The following LHFPL6 variants were observed in gnomAD, a reference collection of about 807,000 sequenced individuals.
The protein encoded by LHFPL6 is LHFPL tetraspan subfamily member 6 protein.
In LHFPL6, 9 loss-of-function variants were observed where a neutral mutation model predicts 20.6. The observed-to-expected ratio is 0.44, with a 90% CI of 0.26 to 0.76. LHFPL6 has a LOEUF of 0.76. Among genes scored for constraint, LHFPL6 ranks in the 30% least tolerant of loss-of-function variants. The pLI is 0.20. For synonymous variants in LHFPL6, 105 were observed against 98.7 expected (o/e 1.06, Z -0.38); for missense variants, 218 against 253.5 (o/e 0.86, Z 0.95).
chr13:39,345,893 T>G (rs1869388292), intron 3 of LHFPL6, among the ~76,000 whole-genome samples: 1 of 152,190 alleles, frequency 6.6e-6, no homozygotes, highest in Non-Finnish European at 1.5e-5. Context: ...ACATGGCTTC[T>G]GTTTGTACGT....
At chr13:39,516,573 G>A (rs948342218) in intron 2 of LHFPL6, among the ~76,000 whole-genome samples, 4 of 152,180 alleles carry the variant, frequency 2.6e-5, no homozygotes, top group African/African-American at 9.7e-5. Flanking sequence ...TTCATAAGGA[G>A]AGCAACAAGG....
chr13:39,378,301 C>G (rs1870345619), intron 3 of LHFPL6, 127 bp downstream of exon 3: 1 of 658,766 alleles, frequency 1.5e-6, no homozygotes, highest in Non-Finnish European at 2.7e-6. Context: ...TATATTGTTA[C>G]ACGTGACTAC....
intron 2 of LHFPL6, among the ~76,000 whole-genome samples, chr13:39,387,486 C>T (rs1486564662): frequency 7.6e-6 from 1 of 132,156 alleles, no homozygotes; most frequent in African/African-American, 2.9e-5. Context: ...GCAGAGGTTG[C>T]AGTGAGCTGA....
intron 2 of LHFPL6, among the ~76,000 whole-genome samples, chr13:39,599,545 C>CGG (rs1872867339): frequency 6.6e-6 from 1 of 152,128 alleles, no homozygotes; most frequent in African/African-American, 2.4e-5. Flanking sequence ...ACACTGCCTC[C>CGG]CGGGAGGGAC....
At chr13:39,372,119 A>G (rs935467285) in intron 3 of LHFPL6, among the ~76,000 whole-genome samples, 5 of 152,012 alleles carry the variant, frequency 3.3e-5, no homozygotes, top group African/African-American at 1.2e-4. Context: ...CTGCCTTGCT[A>G]TAATAAGAGA....
rs1051576681 is a variant in LHFPL6 at position 39,530,035 on chromosome 13, A to G, written c.385+70797T>C. Among the ~76,000 whole-genome samples, 17 of 152,276 alleles carry G rather than the reference A, an allele frequency of 1.1e-4. No homozygotes were observed. In the Middle Eastern group the frequency reaches 0.02, roughly 183 times the overall value. Reference sequence around the variant, plus strand: ...GTGCTTAGTTCAATGCATTGTGCATAGTAGGTACTCAGTAAATAACTGCTG... The same window carrying G: ...GTGCTTAGTTCAATGCATTGTGCATGGTAGGTACTCAGTAAATAACTGCTG... On this transcript the variant is annotated intron_variant, in intron 2 of 3. Coordinates refer to ENST00000379589, the MANE Select transcript of LHFPL6 (RefSeq NM_005780.3).
intron 2 of LHFPL6, among the ~76,000 whole-genome samples, chr13:39,446,022 A>G (rs901057513): frequency 2.0e-5 from 3 of 152,308 alleles, no homozygotes; most frequent in Middle Eastern, 3.4e-3. Flanking sequence ...ATTTTTATTG[A>G]TCTTATTTAT....
intron 2 of LHFPL6, among the ~76,000 whole-genome samples, chr13:39,506,407 G>A (rs1869485640): frequency 6.6e-6 from 1 of 152,144 alleles, no homozygotes; most frequent in African/African-American, 2.4e-5. Context: ...AGAGAAGATA[G>A]TAAACATTTG....
intron 3 of LHFPL6, among the ~76,000 whole-genome samples, chr13:39,358,435 A>C (rs1325114542): frequency 6.6e-6 from 1 of 152,202 alleles, no homozygotes; most frequent in East Asian, 1.9e-4. Flanking sequence ...TCAAACTATA[A>C]AAATTCTAGA....
intron 2 of LHFPL6, among the ~76,000 whole-genome samples, chr13:39,474,295 T>C (rs1873024456): frequency 6.6e-6 from 1 of 152,246 alleles, no homozygotes; most frequent in Non-Finnish European, 1.5e-5. Flanking sequence ...TATGGGTTTG[T>C]TTAACATAAC....
Position 39,601,126 on chromosome 13 carries a change from A to G in LHFPL6, c.91T>C (p.Tyr31His). 6.2e-7 allele frequency: 1 copy of G among 1,614,194 alleles called. No individual in the cohort carries two copies. The highest frequency in any genetic ancestry group is 1.1e-5 in the South Asian group (1 of 91,090). ...CCCAGCTGTGATCCCCAGAGCCAGTAAGGCATAAAGAACCCCACGCAGGAG... is the reference window on the plus strand; with the variant it reads ...CCCAGCTGTGATCCCCAGAGCCAGTGAGGCATAAAGAACCCCACGCAGGAG... The part of the protein sequence containing the change: ...ATSCVGFFMP[Y>H]WLWGSQLGKP... Residue 31 changes from tyrosine (Y) to histidine (H), a missense_variant, in exon 2 of 4, where the codon TAC becomes CAC. Transcript: ENST00000379589.
chr13:39,478,720 C>T (rs985475463), intron 2 of LHFPL6, among the ~76,000 whole-genome samples: 6 of 151,592 alleles, frequency 4.0e-5, no homozygotes, highest in Non-Finnish European at 7.4e-5. Flanking sequence ...AGTAATTCAC[C>T]CCTCTTGCTT....
chr13:39,461,492 C>T (rs993609117), intron 2 of LHFPL6, among the ~76,000 whole-genome samples: 3 of 152,156 alleles, frequency 2.0e-5, no homozygotes, highest in Non-Finnish European at 2.9e-5. Flanking sequence ...TTTACTGCTA[C>T]ATTCACAAGG....
intron 2 of LHFPL6, among the ~76,000 whole-genome samples, chr13:39,426,025 G>A (rs1192263299): frequency 1.3e-5 from 2 of 152,000 alleles, no homozygotes; most frequent in Non-Finnish European, 2.9e-5. Flanking sequence ...CATAAAATTT[G>A]CTATTTTCAC....
chr13:39,384,294 G>A lies in LHFPL6; in HGVS notation c.386-5768C>T, dbSNP rs554561173. Among the ~76,000 whole-genome samples the A allele has an allele frequency of 1.7e-4, 26 of 152,278 alleles. No individual in the cohort carries two copies. The South Asian group carries it at 2.9e-3, about 17-fold the overall frequency. Reference sequence around the variant, plus strand: ...AAGCATGCCTGTGGTATGGTCTCTCGTTAGGAAATGTAACAGGCTAAGTAA... The same window carrying A: ...AAGCATGCCTGTGGTATGGTCTCTCATTAGGAAATGTAACAGGCTAAGTAA... On this transcript the variant is annotated intron_variant, in intron 2 of 3. Transcript: ENST00000379589.
intron 2 of LHFPL6, among the ~76,000 whole-genome samples, chr13:39,462,651 G>T (rs1486750415): frequency 1.3e-5 from 2 of 151,172 alleles, no homozygotes; most frequent in Non-Finnish European, 2.9e-5. Context: ...TGTGAAGTGG[G>T]CAGTGGACAT....
At chr13:39,426,480 A>G (rs1871641688) in intron 2 of LHFPL6, among the ~76,000 whole-genome samples, 1 of 152,104 alleles carries the variant, frequency 6.6e-6, no homozygotes, top group African/African-American at 2.4e-5. Flanking sequence ...TCGGCCTTCC[A>G]AAGTGCGGGG....
chr13:39,457,494 T>A (rs951578444), intron 2 of LHFPL6, among the ~76,000 whole-genome samples: 3 of 152,140 alleles, frequency 2.0e-5, no homozygotes, highest in Non-Finnish European at 2.9e-5. Flanking sequence ...CTGGAAAGGA[T>A]GTGGAGCAAG....
At chr13:39,504,637 C>T (rs1869409499) in intron 2 of LHFPL6, among the ~76,000 whole-genome samples, 2 of 152,182 alleles carry the variant, frequency 1.3e-5, no homozygotes, top group South Asian at 2.1e-4. Context: ...TCCTCTTCTA[C>T]TAAGGACACC....
Sources: gnomAD v4.1 joint callset for allele counts (sites outside exome capture counted in the v4.1 genomes callset) on GRCh38, gnomAD v4.1.1 for gene constraint, MANE v1.5 for transcripts, NCBI Gene and HGNC (gene_info 2026-07-23, HGNC 2026-07-21) for gene names.